The following PHF14 variants were observed in gnomAD, a reference collection of about 807,000 sequenced individuals.
PHF14 encodes the protein PHD finger protein 14.
Under a neutral mutation model 117.9 loss-of-function variants are expected in PHF14, and 55 were observed. The ratio of observed to expected loss-of-function variants is 0.47; its 90% CI spans 0.38 to 0.58. PHF14 has a LOEUF of 0.58. Among genes scored for constraint, PHF14 ranks in the 20% least tolerant of loss-of-function variants. The pLI, the probability that PHF14 is intolerant of heterozygous loss-of-function variation, is 0.00. For missense variants in PHF14, 978 were observed against 1,122.2 expected (o/e 0.87, Z 1.84); for synonymous variants, 409 against 368.6 (o/e 1.11, Z -1.26).
chr7:11,091,250 A>G (rs1314124735), intron 16 of PHF14, among the ~76,000 whole-genome samples: 2 of 152,174 alleles, frequency 1.3e-5, no homozygotes, highest in Non-Finnish European at 2.9e-5. Context: ...TTAATGAAAA[A>G]TGGAAAGGCA....
chr7:11,168,874 G>T (rs1789286606), intron 17 of PHF14, among the ~76,000 whole-genome samples: 1 of 152,090 alleles, frequency 6.6e-6, no homozygotes, highest in African/African-American at 2.4e-5. Context: ...ACAGGAACCT[G>T]CTATGAATTA....
chr7:11,080,985 C>T (rs2128336197), intron 16 of PHF14, among the ~76,000 whole-genome samples: 1 of 152,246 alleles, frequency 6.6e-6, no homozygotes, highest in East Asian at 1.9e-4. Context: ...TCAAAGACTT[C>T]ACCATTATAC....
At chr7:11,140,784 A>G (rs1583496729) in intron 17 of PHF14, among the ~76,000 whole-genome samples, 2 of 152,258 alleles carry the variant, frequency 1.3e-5, no homozygotes, top group East Asian at 1.9e-4. Context: ...TGTCAGTAGA[A>G]TGGCAGTAGA....
At chr7:11,044,420 T>C (rs115166444) in intron 13 of PHF14, among the ~76,000 whole-genome samples, 1 of 152,302 alleles carries the variant, frequency 6.6e-6, no homozygotes, top group East Asian at 1.9e-4. Context: ...CTTTTCATTG[T>C]TGTTAGTGGT....
chr7:11,026,647 A>C (rs1199475844), intron 6 of PHF14, among the ~76,000 whole-genome samples: 3 of 151,726 alleles, frequency 2.0e-5, no homozygotes, highest in Non-Finnish European at 4.4e-5. Flanking sequence ...GTTTTTCTGT[A>C]TGGGTATGAT....
At chr7:11,065,024 T>G (rs1269927759) in intron 16 of PHF14, among the ~76,000 whole-genome samples, 1 of 152,098 alleles carries the variant, frequency 6.6e-6, no homozygotes, top group African/African-American at 2.4e-5. Context: ...TAATAAATAC[T>G]TGTTATGTCA....
At chr7:11,027,522 T>G (rs1783966984) in intron 6 of PHF14, among the ~76,000 whole-genome samples, 1 of 152,080 alleles carries the variant, frequency 6.6e-6, no homozygotes, top group Admixed American at 6.5e-5. Context: ...AATTCCCCCT[T>G]TTTCTTTTAA....
Position 11,044,172 on chromosome 7 carries a change from G to C in PHF14, c.2312+1358G>C, listed in dbSNP as rs982304291. Reference sequence around the variant, plus strand: ...CATAAAGATGGGGCCTACTAGAATGGGGAGGGAGGGGAGCAAGGTTTGAAA... The same window carrying C: ...CATAAAGATGGGGCCTACTAGAATGCGGAGGGAGGGGAGCAAGGTTTGAAA... On this transcript the variant is annotated intron_variant, in intron 13 of 17. Transcript: ENST00000634607. Among the ~76,000 whole-genome samples, 12 of 152,038 alleles carry C rather than the reference G, an allele frequency of 7.9e-5. No individual in the cohort carries two copies. The South Asian group carries it at 1.0e-3, about 13-fold the overall frequency.
intron 17 of PHF14, among the ~76,000 whole-genome samples, chr7:11,148,385 C>A (rs879628816): frequency 2.0e-5 from 3 of 152,122 alleles, no homozygotes; most frequent in Admixed American, 1.3e-4. Flanking sequence ...ACTTTAGGAC[C>A]GTTGCCCTTG....
intron 12 of PHF14, among the ~76,000 whole-genome samples, chr7:11,041,068 A>G (rs900893063): frequency 1.3e-5 from 2 of 151,128 alleles, no homozygotes; most frequent in African/African-American, 4.9e-5. Context: ...AATATAAAAG[A>G]TGAGCATTTA....
chr7:11,142,567 A>G (rs1341167606), intron 17 of PHF14, among the ~76,000 whole-genome samples: 1 of 152,112 alleles, frequency 6.6e-6, no homozygotes, highest in African/African-American at 2.4e-5. Flanking sequence ...CTTCTTGAAA[A>G]TGTGTCTTCC....
rs558235872 is a variant in PHF14, at chr7:11,115,457, T to G, written c.2772+3990T>G. Among the ~76,000 whole-genome samples, 37 of 152,170 alleles carry G rather than the reference T, an allele frequency of 2.4e-4. No individual in the cohort carries two copies. In the South Asian group the frequency reaches 7.2e-3, roughly 30 times the overall value. On this transcript the variant is annotated intron_variant, in intron 17 of 17. Coordinates refer to ENST00000634607, the MANE Select transcript of PHF14 (RefSeq NM_001007157.2). ...TACTATAGAACAGGTACATAAAACG[T>G]CACACATACATATTTATGTTGAGGT...
At chr7:11,113,621 A>G (rs1286344465) in intron 17 of PHF14, among the ~76,000 whole-genome samples, 2 of 152,146 alleles carry the variant, frequency 1.3e-5, no homozygotes, top group Non-Finnish European at 2.9e-5. Flanking sequence ...CCATTTTCCA[A>G]TGAAAAATGA....
intron 16 of PHF14, among the ~76,000 whole-genome samples, chr7:11,090,494 GC>G (rs1786602047): frequency 6.6e-6 from 1 of 152,178 alleles, no homozygotes; most frequent in Non-Finnish European, 1.5e-5. Context: ...CTGCAAAATT[GC>G]CTGATTATAT....
At chr7:11,057,737 C>T (rs1785066764) in intron 14 of PHF14, among the ~76,000 whole-genome samples, 1 of 152,134 alleles carries the variant, frequency 6.6e-6, no homozygotes, top group Non-Finnish European at 1.5e-5. Context: ...AGTTTAAATA[C>T]ATTGTCTCTA....
chr7:11,041,229 T>C (rs1465032892), intron 12 of PHF14, among the ~76,000 whole-genome samples: 3 of 152,018 alleles, frequency 2.0e-5, no homozygotes, highest in Non-Finnish European at 4.4e-5. Flanking sequence ...TTTTTTTCTC[T>C]TGATGCTCAG....
intron 16 of PHF14, among the ~76,000 whole-genome samples, chr7:11,092,008 T>C (rs1307876928): frequency 6.6e-6 from 1 of 152,158 alleles, no homozygotes; most frequent in Middle Eastern, 3.2e-3. Flanking sequence ...TCCAGAGAAA[T>C]TTAATTACCA....
At chr7:10,991,759 A>ATTTTTTTTTTT (rs71023881) in intron 4 of PHF14, among the ~76,000 whole-genome samples, 2 of 111,044 alleles carry the variant, frequency 1.8e-5, no homozygotes, top group African/African-American at 3.6e-5. Flanking sequence ...TAATTTTTTA[A>ATTTTTTTTTTT]TTTTTTTTTT....
chr7:11,105,995 G>C lies in PHF14; in HGVS notation c.2655-5355G>C, dbSNP rs1000934363. On this transcript the variant is annotated intron_variant, in intron 16 of 17. Transcript: ENST00000634607. ...TTGTACTGCTGAAAAATTTCCAAGG[G>C]CATGAGCAGATGGAAATCAGTTTAT... 4.4e-5 allele frequency: 43 copies of C among 984,782 alleles called. No individual in the cohort carries two copies. The African/African-American group carries it at 7.2e-4, about 16-fold the overall frequency. 61.0% of individuals were successfully genotyped at this position (984,782 alleles called of 1,614,324 possible). A position where few individuals can be genotyped will look rare whatever the true frequency, so the allele number is the denominator to read the frequency against.
Sources: gnomAD v4.1 joint callset for allele counts (sites outside exome capture counted in the v4.1 genomes callset) on GRCh38, gnomAD v4.1.1 for gene constraint, MANE v1.5 for transcripts, NCBI Gene and HGNC (gene_info 2026-07-23, HGNC 2026-07-21) for gene names.